Variants in CDH18 observed in about 807,000 individuals in gnomAD.
CDH18 encodes the protein cadherin 18.
A neutral mutation model predicts 67.9 loss-of-function variants in CDH18; 31 were observed. The ratio of observed to expected loss-of-function variants is 0.46; its 90% CI spans 0.34 to 0.62. CDH18 has a LOEUF of 0.62. Among genes scored for constraint, CDH18 ranks in the 20% least tolerant of loss-of-function variants. The probability of loss-of-function intolerance (pLI) is 0.01; values close to 1 mark genes in which losing one functional copy is unlikely to be tolerated. For missense variants in CDH18, 890 were observed against 975.5 expected (o/e 0.91, Z 1.17); for synonymous variants, 362 against 347.2 (o/e 1.04, Z -0.48).
In CDH18 at chr5:19,841,353, T is replaced by G. The variant is rs570200339; in HGVS notation, c.-256-2111A>C. 3.3e-4 allele frequency among the ~76,000 whole-genome samples: 50 copies of G among 152,058 alleles called. 1 individual carries two copies. Among genetic ancestry groups the G allele is most frequent in the Middle Eastern group, 3.4e-3 (1 of 294 alleles). The stretch of plus-strand genomic sequence containing the variant: ...AATGGCAAGAGCATTGGAAAGAGAG[T>G]CAGAAATCACAGGTTTTATTTTTTG... On this transcript the variant is annotated intron_variant, in intron 2 of 12. Transcript: ENST00000382275.
intron 2 of CDH18, among the ~76,000 whole-genome samples, chr5:20,220,629 C>T (rs563921716): frequency 1.1e-4 from 17 of 152,006 alleles, no homozygotes; most frequent in African/African-American, 3.9e-4. Context: ...AAAATGGGAA[C>T]ACATCAAGTT....
intron 3 of CDH18, among the ~76,000 whole-genome samples, chr5:19,757,062 G>A (rs1771698442): frequency 1.3e-5 from 2 of 152,176 alleles, no homozygotes; most frequent in African/African-American, 4.8e-5. Flanking sequence ...TCAGGATGAT[G>A]GGAAACATGG....
intron 2 of CDH18, among the ~76,000 whole-genome samples, chr5:20,003,141 A>G (rs1189555899): frequency 6.6e-6 from 1 of 152,186 alleles, no homozygotes; most frequent in East Asian, 1.9e-4. Flanking sequence ...TTAGGATGTG[A>G]AAAGATAAGT....
intron 2 of CDH18, among the ~76,000 whole-genome samples, chr5:19,902,631 A>G (rs945721614): frequency 6.6e-6 from 1 of 152,136 alleles, no homozygotes; most frequent in Non-Finnish European, 1.5e-5. Flanking sequence ...GCAAGAACCC[A>G]GCCAAGCTGT....
At chr5:19,661,482 T>G (rs1162206646) in intron 5 of CDH18, among the ~76,000 whole-genome samples, 1 of 151,978 alleles carries the variant, frequency 6.6e-6, no homozygotes, top group Admixed American at 6.6e-5. Context: ...TATTTAACTT[T>G]CTTCTCTTTT....
chr5:19,958,073 T>C (rs1233323854), intron 2 of CDH18, among the ~76,000 whole-genome samples: 2 of 151,856 alleles, frequency 1.3e-5, no homozygotes, highest in Admixed American at 6.6e-5. Context: ...GGGATGAACT[T>C]ATGATGGCTG....
Position 20,241,282 on chromosome 5 carries a change from G to C in CDH18, c.-518+14162C>G, listed in dbSNP as rs1033366980. 5.9e-5 allele frequency among the ~76,000 whole-genome samples: 9 copies of C among 152,048 alleles called. 1 individual carries two copies. Among genetic ancestry groups the C allele is most frequent in the Non-Finnish European group, 1.2e-4 (8 of 68,000 alleles). ...TAGCAGCAAATAATTACTAGAACTG[G>C]GGTTTGAACCCAGGCCTCAGATCTC... On this transcript the variant is annotated intron_variant, in intron 2 of 14. Coordinates refer to the CDH18 transcript ENST00000507958.
At chr5:20,464,806 A>T (rs1751525472) in intron 1 of CDH18, among the ~76,000 whole-genome samples, 1 of 152,132 alleles carries the variant, frequency 6.6e-6, no homozygotes, top group African/African-American at 2.4e-5. Flanking sequence ...ACAATGCTAT[A>T]AATAAAACCC....
intron 2 of CDH18, among the ~76,000 whole-genome samples, chr5:20,229,849 T>C (rs1741926610): frequency 6.6e-6 from 1 of 152,126 alleles, no homozygotes; most frequent in African/African-American, 2.4e-5. Context: ...CCAGATTCTG[T>C]TTTGAGAGGA....
chr5:20,171,969 T>C (rs1202871004), intron 2 of CDH18, among the ~76,000 whole-genome samples: 2 of 151,048 alleles, frequency 1.3e-5, no homozygotes, highest in Non-Finnish European at 2.9e-5. Flanking sequence ...TCACTATTTA[T>C]TCAGTAGGGA....
chr5:20,420,790 G>C (rs544634917), intron 1 of CDH18, among the ~76,000 whole-genome samples: 1 of 151,272 alleles, frequency 6.6e-6, no homozygotes, highest in South Asian at 2.1e-4. Context: ...TTCGAATGCA[G>C]TTATCTATTA....
chr5:20,408,027 T>C (rs1746442305), intron 1 of CDH18, among the ~76,000 whole-genome samples: 1 of 151,958 alleles, frequency 6.6e-6, no homozygotes. Flanking sequence ...AAAAAGAGAC[T>C]TATAACATAC....
At chr5:19,545,733 T>C (rs1429982559) in intron 8 of CDH18, among the ~76,000 whole-genome samples, 16 of 152,132 alleles carry the variant, frequency 1.1e-4, no homozygotes. Context: ...GGAAAGGTAG[T>C]TTGGGAAAAA....
chr5:20,021,475 G>C (rs371117451), intron 2 of CDH18, among the ~76,000 whole-genome samples: 1 of 152,208 alleles, frequency 6.6e-6, no homozygotes, highest in East Asian at 1.9e-4. Flanking sequence ...GGAGGGGCCT[G>C]GTATGAGGAG....
intron 3 of CDH18, among the ~76,000 whole-genome samples, chr5:19,833,084 G>C (rs1294282018): frequency 6.6e-6 from 1 of 151,998 alleles, no homozygotes; most frequent in Non-Finnish European, 1.5e-5. Context: ...AGTTTGATGG[G>C]AATAGCATTG....
intron 2 of CDH18, among the ~76,000 whole-genome samples, chr5:20,076,544 C>CAA (rs199703794): frequency 7.5e-6 from 1 of 133,984 alleles, no homozygotes. Flanking sequence ...AATAGATTCC[C>CAA]AAAAAAAAAA....
At chr5:19,586,709 T>C (rs1361507568) in intron 7 of CDH18, among the ~76,000 whole-genome samples, 1 of 152,198 alleles carries the variant, frequency 6.6e-6, no homozygotes, top group African/African-American at 2.4e-5. Context: ...ATGATATTCC[T>C]TTGGGTATAT....
intron 2 of CDH18, among the ~76,000 whole-genome samples, chr5:19,921,296 C>T (rs1350945011): frequency 1.3e-5 from 2 of 152,102 alleles, no homozygotes; most frequent in Non-Finnish European, 2.9e-5. Context: ...CTTTGGGAGG[C>T]CAAGGCGGGC....
intron 12 of CDH18, among the ~76,000 whole-genome samples, chr5:19,475,594 TATA>T (rs1281385741): frequency 3.9e-5 from 6 of 151,934 alleles, no homozygotes; most frequent in Non-Finnish European, 7.4e-5. Context: ...GTGTGTCCCA[TATA>T]ATATTTGAGA....
Sources: allele counts gnomAD v4.1 joint callset (sites outside exome capture counted in the v4.1 genomes callset), GRCh38; gene constraint gnomAD v4.1.1; transcripts MANE v1.5; gene names NCBI Gene and HGNC (gene_info 2026-07-23, HGNC 2026-07-21).